ANKS1B: variants seen among roughly 807,000 people sequenced by gnomAD.
ANKS1B encodes the protein ankyrin repeat and sterile alpha motif domain containing 1B.
In ANKS1B, 36 loss-of-function variants were observed where a neutral mutation model predicts 148.3. The ratio of observed to expected loss-of-function variants is 0.24; its 90% CI spans 0.19 to 0.32. The LOEUF (loss-of-function observed/expected upper bound fraction) is 0.32, where lower values mean the gene tolerates loss of function less well. ANKS1B is among the 10% of genes least tolerant of loss of function. The pLI, the probability that ANKS1B is intolerant of heterozygous loss-of-function variation, is 1.00. For synonymous variants in ANKS1B, 542 were observed against 560.8 expected (o/e 0.97, Z 0.47); for missense variants, 1,157 against 1,542.6 (o/e 0.75, Z 4.19).
intron 14 of ANKS1B, among the ~76,000 whole-genome samples, chr12:99,188,722 A>G (rs1389718696): frequency 6.6e-6 from 1 of 152,206 alleles, no homozygotes; most frequent in Non-Finnish European, 1.5e-5. Context: ...TTATAGCACT[A>G]AATGCCCACA....
chr12:99,933,519 A>G (rs1199835448), intron 1 of ANKS1B, among the ~76,000 whole-genome samples: 1 of 151,716 alleles, frequency 6.6e-6, no homozygotes, highest in Non-Finnish European at 1.5e-5. Context: ...TTATGAGATT[A>G]CTTTCTTGAT....
intron 14 of ANKS1B, among the ~76,000 whole-genome samples, chr12:99,195,421 G>T (rs1202796950): frequency 5.9e-5 from 9 of 151,982 alleles, no homozygotes; most frequent in African/African-American, 2.2e-4. Context: ...TTTTTGACTG[G>T]ATCAAGCAAA....
intron 11 of ANKS1B, among the ~76,000 whole-genome samples, chr12:99,422,497 T>G (rs548339885): frequency 6.6e-6 from 1 of 152,296 alleles, no homozygotes; most frequent in South Asian, 2.1e-4. Context: ...ATCTTTCAGC[T>G]GCCACCTGAA....
chr12:99,975,459 C>G (rs972791951), intron 1 of ANKS1B, among the ~76,000 whole-genome samples: 1 of 152,170 alleles, frequency 6.6e-6, no homozygotes, highest in African/African-American at 2.4e-5. Context: ...CATTCCCTTT[C>G]CTCTGCAGCC....
At chr12:98,775,898 T>C (rs12815614) in intron 24 of ANKS1B, among the ~76,000 whole-genome samples, 12,698 of 152,298 alleles carry the variant, frequency 0.083, 702 homozygotes, top group Non-Finnish European at 0.12. Context: ...TTGTCTAAGC[T>C]ATAAGGAAAG....
At chr12:99,454,771 C>T (rs1406105182) in intron 10 of ANKS1B, among the ~76,000 whole-genome samples, 4 of 152,158 alleles carry the variant, frequency 2.6e-5, no homozygotes, top group Non-Finnish European at 5.9e-5. Flanking sequence ...TAGAATTTTA[C>T]CTTCCTCCTC....
chr12:99,510,228 A>G (rs1187807969), intron 9 of ANKS1B, among the ~76,000 whole-genome samples: 5 of 152,018 alleles, frequency 3.3e-5, no homozygotes, highest in Non-Finnish European at 5.9e-5. Context: ...CAGCCCATAG[A>G]TCAAGGATTA....
chr12:98,980,175 T>G (rs769513297), intron 17 of ANKS1B, among the ~76,000 whole-genome samples: 3 of 152,232 alleles, frequency 2.0e-5, no homozygotes, highest in Non-Finnish European at 4.4e-5. Context: ...CATGTTTTCC[T>G]TTAAATACTT....
chr12:99,333,339 G>A (rs918000549), intron 12 of ANKS1B, among the ~76,000 whole-genome samples: 2 of 152,046 alleles, frequency 1.3e-5, no homozygotes, highest in African/African-American at 2.4e-5. Context: ...ATGACTCTGA[G>A]AATAGAAATT....
chr12:99,383,824 G>C (rs1423316104), intron 12 of ANKS1B, among the ~76,000 whole-genome samples: 2 of 141,730 alleles, frequency 1.4e-5, no homozygotes, highest in African/African-American at 5.5e-5. Flanking sequence ...ACCAGCCTAG[G>C]CAATGTGGTG....
chr12:99,956,014 C>T (rs1229274323), intron 1 of ANKS1B, among the ~76,000 whole-genome samples: 6 of 152,018 alleles, frequency 3.9e-5, no homozygotes, highest in Non-Finnish European at 8.8e-5. Context: ...ATGGCTCATG[C>T]CTGTAGTCTC....
chr12:98,791,757 GT>G (rs1459303964), intron 22 of ANKS1B, among the ~76,000 whole-genome samples: 4 of 152,166 alleles, frequency 2.6e-5, no homozygotes, highest in Non-Finnish European at 4.4e-5. Flanking sequence ...TTGTTTAAAA[GT>G]TTTTTTTCCC....
intron 12 of ANKS1B, among the ~76,000 whole-genome samples, chr12:99,287,262 G>C (rs2079261958): frequency 1.3e-5 from 2 of 152,302 alleles, no homozygotes; most frequent in African/African-American, 4.8e-5. Context: ...TCTCTGCCTA[G>C]TAATCTAAGG....
At chr12:99,087,882 C>T (rs1027151182) in intron 15 of ANKS1B, among the ~76,000 whole-genome samples, 4 of 152,086 alleles carry the variant, frequency 2.6e-5, no homozygotes, top group Non-Finnish European at 5.9e-5. Context: ...AAATTAAATC[C>T]TAAAGATCAC....
At chr12:98,986,044 A>G (rs1346079525) in intron 17 of ANKS1B, among the ~76,000 whole-genome samples, 1 of 152,164 alleles carries the variant, frequency 6.6e-6, no homozygotes, top group Non-Finnish European at 1.5e-5. Context: ...GCACTTTAAA[A>G]TGCTATTCCA....
At chr12:99,604,956 TGAA>T (rs1352751481) in intron 9 of ANKS1B, among the ~76,000 whole-genome samples, 1 of 151,676 alleles carries the variant, frequency 6.6e-6, no homozygotes, top group African/African-American at 2.4e-5. Context: ...TGTGACCACA[TGAA>T]ATAAACTACA....
intron 12 of ANKS1B, among the ~76,000 whole-genome samples, chr12:99,261,667 C>T (rs932493032): frequency 2.0e-5 from 3 of 152,150 alleles, no homozygotes; most frequent in Non-Finnish European, 2.9e-5. Flanking sequence ...TGCAACCTGC[C>T]TATGCCTCAC....
chr12:99,507,715 G>T (rs1273261121), intron 9 of ANKS1B, among the ~76,000 whole-genome samples: 1 of 151,880 alleles, frequency 6.6e-6, no homozygotes, highest in Non-Finnish European at 1.5e-5. Context: ...TAAAAACGAA[G>T]ATAGTGAAAC....
chr12:99,479,937 G>A (rs972628875), intron 10 of ANKS1B, among the ~76,000 whole-genome samples: 1 of 151,750 alleles, frequency 6.6e-6, no homozygotes, highest in South Asian at 2.1e-4. Context: ...TGATGGATAT[G>A]TTAATTAGTT....
Sources: gnomAD v4.1 joint callset for allele counts (sites outside exome capture counted in the v4.1 genomes callset) on GRCh38, gnomAD v4.1.1 for gene constraint, MANE v1.5 for transcripts, NCBI Gene and HGNC (gene_info 2026-07-23, HGNC 2026-07-21) for gene names.